COBL: variants seen among roughly 807,000 people sequenced by gnomAD.
The protein encoded by COBL is protein cordon-bleu.
In COBL, 51 loss-of-function variants were observed where a neutral mutation model predicts 98.8. The ratio of observed to expected loss-of-function variants is 0.52; its 90% CI spans 0.41 to 0.65. The LOEUF is 0.65. COBL is among the 30% of genes least tolerant of loss of function. The pLI is 0.00. For synonymous variants in COBL, 634 were observed against 651.7 expected (o/e 0.97, Z 0.41); for missense variants, 1,617 against 1,617.5 (o/e 1.00, Z 0.01).
intron 7 of COBL, among the ~76,000 whole-genome samples, chr7:51,080,144 A>T (rs1478224754): frequency 1.3e-5 from 2 of 152,206 alleles, no homozygotes; most frequent in Non-Finnish European, 2.9e-5. Flanking sequence ...GAGGTCAGGG[A>T]GGAGACAGGG....
chr7:51,305,967 T>C (rs569202682), intron 1 of COBL, among the ~76,000 whole-genome samples: 7 of 151,822 alleles, frequency 4.6e-5, no homozygotes, highest in East Asian at 1.9e-4. Flanking sequence ...ACCCAGGAGA[T>C]AGAGGTTGCA....
intron 1 of COBL, among the ~76,000 whole-genome samples, chr7:51,257,633 A>T (rs965946155): frequency 1.3e-5 from 2 of 152,176 alleles, no homozygotes; most frequent in Non-Finnish European, 2.9e-5. Context: ...GATTATGTAT[A>T]TTTATAGATA....
intron 12 of COBL, among the ~76,000 whole-genome samples, chr7:51,020,630 A>G (rs1313162108): frequency 6.6e-6 from 1 of 152,238 alleles, no homozygotes; most frequent in African/African-American, 2.4e-5. Context: ...ATAAGAACGC[A>G]GGGCTGAGTG....
chr7:51,301,291 A>G (rs1275648753), intron 1 of COBL, among the ~76,000 whole-genome samples: 1 of 152,202 alleles, frequency 6.6e-6, no homozygotes, highest in East Asian at 1.9e-4. Flanking sequence ...AATACGCCAA[A>G]GAAAAGTAAG....
At chr7:51,241,448 G>A (rs114815283) in intron 1 of COBL, among the ~76,000 whole-genome samples, 2,663 of 152,186 alleles carry the variant, frequency 0.017, 88 homozygotes, top group African/African-American at 0.062. Flanking sequence ...TGGTCCCCTC[G>A]GAAGGCCTGG....
At chr7:51,210,155 C>T (rs1427253815) in intron 2 of COBL, among the ~76,000 whole-genome samples, 1 of 152,150 alleles carries the variant, frequency 6.6e-6, no homozygotes, top group Non-Finnish European at 1.5e-5. Context: ...GCCTTTACAC[C>T]CCTGCCCCAC....
chr7:51,077,537 C>T (rs1482680935), intron 7 of COBL, among the ~76,000 whole-genome samples: 2 of 152,244 alleles, frequency 1.3e-5, no homozygotes, highest in Admixed American at 1.3e-4. Flanking sequence ...CACCTTCACA[C>T]TTGCCCTATG....
chr7:51,027,134 C>T (rs79439890), intron 10 of COBL, among the ~76,000 whole-genome samples: 6,366 of 152,290 alleles, frequency 0.042, 189 homozygotes, highest in African/African-American at 0.074. Context: ...TGACCTTGGA[C>T]GAGGCCCCTT....
At chr7:51,141,036 G>A (rs1799694185) in intron 5 of COBL, among the ~76,000 whole-genome samples, 1 of 151,818 alleles carries the variant, frequency 6.6e-6, no homozygotes, top group African/African-American at 2.4e-5. Flanking sequence ...AAGGGGCTTG[G>A]TGTACTTCAA....
At chr7:51,201,985 C>G (rs944031938) in intron 2 of COBL, among the ~76,000 whole-genome samples, 2 of 152,136 alleles carry the variant, frequency 1.3e-5, no homozygotes, top group African/African-American at 4.8e-5. Flanking sequence ...TCCCTTTGTC[C>G]AATGTATTCA....
In COBL at chr7:51,262,955, C is replaced by CA. The variant is rs1254709129; in HGVS notation, c.42-43012dup. On this transcript the variant is annotated intron_variant, in intron 1 of 12. Coordinates refer to ENST00000265136, the MANE Select transcript of COBL (RefSeq NM_015198.5). ...CTGGGCTGCATCTGGAAAAAGAAGTCAGTGTCCAGCAGGTAAGCTGGGCAA... is the reference window on the plus strand; with the variant it reads ...CTGGGCTGCATCTGGAAAAAGAAGTCAAGTGTCCAGCAGGTAAGCTGGGCAA... Among the ~76,000 whole-genome samples the CA allele has an allele frequency of 3.3e-5, 5 of 152,254 alleles. No individual in the cohort carries two copies. In the East Asian group the frequency reaches 7.8e-4, roughly 24 times the overall value.
rs187281465 is a variant in COBL, at chr7:51,074,239, A to G, written c.1096+10927T>C. On this transcript the variant is annotated intron_variant, in intron 7 of 12. Transcript: ENST00000265136. ...TGAGACAGAGTCTCGCTCTGTTGCCAGGCTAGAGTGCTGTGGCGCGATCTC... is the reference window on the plus strand; with the variant it reads ...TGAGACAGAGTCTCGCTCTGTTGCCGGGCTAGAGTGCTGTGGCGCGATCTC... 8.7e-4 allele frequency among the ~76,000 whole-genome samples: 105 copies of G among 121,160 alleles called. 1 individual carries two copies. The highest frequency in any genetic ancestry group is 8.0e-4 in the East Asian group (3 of 3,748). The allele number at this position is 121,160 out of a possible 152,430, so 79.5% of individuals were successfully genotyped here.
At chr7:51,158,167 T>C (rs1392865041) in intron 5 of COBL, among the ~76,000 whole-genome samples, 1 of 152,240 alleles carries the variant, frequency 6.6e-6, no homozygotes, top group Non-Finnish European at 1.5e-5. Flanking sequence ...TAATGGTGGA[T>C]GATTGATATG....
intron 1 of COBL, among the ~76,000 whole-genome samples, chr7:51,273,566 C>G (rs990805532): frequency 2.6e-5 from 4 of 152,110 alleles, no homozygotes; most frequent in Non-Finnish European, 5.9e-5. Context: ...GCTGACTTAC[C>G]TTGTGACACC....
chr7:51,299,251 C>G (rs1801690764), intron 1 of COBL, among the ~76,000 whole-genome samples: 1 of 152,248 alleles, frequency 6.6e-6, no homozygotes, highest in Non-Finnish European at 1.5e-5. Flanking sequence ...GCAACAGTCA[C>G]ACACAGCGGT....
chr7:51,316,510 G>C, intron 1 of COBL, 83 bp downstream of exon 1: 1 of 1,069,930 alleles, frequency 9.3e-7, no homozygotes. Flanking sequence ...AGGGCGCCCT[G>C]CCCGGGAGCG....
chr7:51,244,841 C>T (rs774011161), intron 1 of COBL, among the ~76,000 whole-genome samples: 2 of 152,180 alleles, frequency 1.3e-5, no homozygotes, highest in East Asian at 1.9e-4. Flanking sequence ...ACCTTCACCA[C>T]GCCTCTGTCT....
intron 5 of COBL, among the ~76,000 whole-genome samples, chr7:51,158,840 G>A (rs577844042): frequency 2.6e-5 from 4 of 152,266 alleles, no homozygotes; most frequent in African/African-American, 9.6e-5. Flanking sequence ...TAGGGCGGGG[G>A]ACAGGGAAAG....
At chr7:51,022,270 G>A (rs1414670790) in intron 12 of COBL, among the ~76,000 whole-genome samples, 1 of 152,166 alleles carries the variant, frequency 6.6e-6, no homozygotes, top group Admixed American at 6.5e-5. Flanking sequence ...ACTTTCCAGG[G>A]TGGATAAGGC....
Sources: allele counts gnomAD v4.1 joint callset (sites outside exome capture counted in the v4.1 genomes callset), GRCh38; gene constraint gnomAD v4.1.1; transcripts MANE v1.5; gene names NCBI Gene and HGNC (gene_info 2026-07-23, HGNC 2026-07-21).